MPPED2: variants seen among roughly 807,000 people sequenced by gnomAD.
MPPED2 encodes the protein metallophosphoesterase domain containing 2.
MPPED2 carries 5 observed loss-of-function variants against 33.0 expected under a neutral mutation model. The ratio of observed to expected loss-of-function variants is 0.15; its 90% CI spans 0.08 to 0.32. The LOEUF (loss-of-function observed/expected upper bound fraction) is 0.32, where lower values mean the gene tolerates loss of function less well. Among genes scored for constraint, MPPED2 ranks in the 10% least tolerant of loss-of-function variants. The pLI, the probability that MPPED2 is intolerant of heterozygous loss-of-function variation, is 1.00. For synonymous variants in MPPED2, 136 were observed against 141.9 expected (o/e 0.96, Z 0.29); for missense variants, 275 against 372.1 (o/e 0.74, Z 2.15).
chr11:30,560,703 C>T (rs1956202132), intron 2 of MPPED2, among the ~76,000 whole-genome samples: 1 of 152,158 alleles, frequency 6.6e-6, no homozygotes, highest in South Asian at 2.1e-4. Context: ...TTTATGATAC[C>T]AAATGAGATG....
intron 4 of MPPED2, among the ~76,000 whole-genome samples, chr11:30,419,812 C>A (rs963309323): frequency 5.3e-5 from 8 of 151,922 alleles, no homozygotes; most frequent in Admixed American, 2.6e-4. Context: ...TATAGATAGC[C>A]CCTGCTTGAG....
At chr11:30,522,599 T>C (rs1156718578) in intron 3 of MPPED2, among the ~76,000 whole-genome samples, 1 of 152,248 alleles carries the variant, frequency 6.6e-6, no homozygotes, top group Non-Finnish European at 1.5e-5. Context: ...AAGTGCTGTC[T>C]ACACATTTAA....
chr11:30,423,435 C>A (rs1948700552), intron 4 of MPPED2, among the ~76,000 whole-genome samples: 1 of 152,154 alleles, frequency 6.6e-6, no homozygotes. Flanking sequence ...GGCAGCTGTG[C>A]TCGGATTTGG....
chr11:30,585,271 G>T (rs918275441), intron 1 of MPPED2, among the ~76,000 whole-genome samples: 2 of 152,134 alleles, frequency 1.3e-5, no homozygotes, highest in African/African-American at 4.8e-5. Flanking sequence ...ACCCCAGCTT[G>T]GGTCGCCGGG....
intron 2 of MPPED2, among the ~76,000 whole-genome samples, chr11:30,572,384 C>T (rs1956736606): frequency 6.6e-6 from 1 of 151,984 alleles, no homozygotes; most frequent in Non-Finnish European, 1.5e-5. Flanking sequence ...TCACGGACCA[C>T]AAGACAGGTG....
chr11:30,414,430 G>C (rs1381382860), intron 5 of MPPED2, 89 bp from the exon 6 acceptor site: 2 of 828,738 alleles, frequency 2.4e-6, no homozygotes, highest in East Asian at 2.5e-5. Flanking sequence ...CTCACAGAAG[G>C]TTTATTACAT....
intron 2 of MPPED2, among the ~76,000 whole-genome samples, chr11:30,554,097 T>C (rs1402010867): frequency 6.6e-6 from 1 of 152,168 alleles, no homozygotes; most frequent in Non-Finnish European, 1.5e-5. Context: ...GGGTACTTTG[T>C]GAATTTCTCA....
intron 1 of MPPED2, chr11:30,584,057 T>C (rs568012987): frequency 8.5e-5 from 13 of 152,208 alleles, no homozygotes; most frequent in African/African-American, 3.1e-4. Flanking sequence ...CAGGGTTTTT[T>C]TGGGGGAGGC....
At chr11:30,384,418 T>A (rs989169618), downstream of MPPED2, 6 of 152,156 alleles carry the variant, frequency 3.9e-5, no homozygotes, top group South Asian at 6.2e-4. Context: ...GGATTTTTTT[T>A]AATTGCATTT....
At chr11:30,517,026 CA>C (rs1261290212) in intron 3 of MPPED2, among the ~76,000 whole-genome samples, 1 of 151,842 alleles carries the variant, frequency 6.6e-6, no homozygotes, top group Non-Finnish European at 1.5e-5. Flanking sequence ...AAAACAACAA[CA>C]AAAAAAGGAA....
intron 4 of MPPED2, among the ~76,000 whole-genome samples, chr11:30,446,806 C>A (rs75109770): frequency 0.01 from 1,522 of 152,122 alleles, 42 homozygotes; most frequent in African/African-American, 0.032. Flanking sequence ...CTGTCGGAGC[C>A]CCCCCCGACG....
intron 4 of MPPED2, among the ~76,000 whole-genome samples, chr11:30,464,268 AACACAC>A (rs10660237): frequency 4.0e-4 from 58 of 146,020 alleles, no homozygotes; most frequent in South Asian, 2.4e-3. Context: ...AAAGGATACT[AACACAC>A]ACACACACAC....
intron 1 of MPPED2, among the ~76,000 whole-genome samples, chr11:30,582,290 G>C (rs1158226890): frequency 6.6e-6 from 1 of 152,140 alleles, no homozygotes; most frequent in Non-Finnish European, 1.5e-5. Flanking sequence ...TTATAGAAAT[G>C]ACTGTCATTA....
At chr11:30,474,403 C>T (rs546081986) in intron 4 of MPPED2, among the ~76,000 whole-genome samples, 31 of 152,278 alleles carry the variant, frequency 2.0e-4, no homozygotes, top group South Asian at 8.3e-4. Context: ...GCCTGTGGAA[C>T]ATTTAAACCA....
intron 6 of MPPED2, among the ~76,000 whole-genome samples, chr11:30,412,058 A>T (rs1283205507): frequency 6.6e-6 from 1 of 151,874 alleles, no homozygotes; most frequent in Non-Finnish European, 1.5e-5. Flanking sequence ...AGAAATGTAG[A>T]CACTCAATTT....
chr11:30,488,411 A>C (rs781197964), intron 4 of MPPED2, among the ~76,000 whole-genome samples: 3 of 152,216 alleles, frequency 2.0e-5, no homozygotes, highest in Non-Finnish European at 2.9e-5. Flanking sequence ...ATACTTCTTT[A>C]GCACCTCCAC....
intron 6 of MPPED2, among the ~76,000 whole-genome samples, chr11:30,397,643 T>G (rs1947855067): frequency 6.6e-6 from 1 of 152,136 alleles, no homozygotes; most frequent in Non-Finnish European, 1.5e-5. Context: ...CTAGGCAATT[T>G]ACATTTGTTT....
intron 4 of MPPED2, among the ~76,000 whole-genome samples, chr11:30,440,497 AT>A (rs1949523304): frequency 6.6e-6 from 1 of 152,180 alleles, no homozygotes; most frequent in East Asian, 1.9e-4. Flanking sequence ...TACAGAAAAC[AT>A]TTGCTGACCC....
chr11:30,409,022 CT>C (rs1565037821), downstream of MPPED2, among the ~76,000 whole-genome samples: 2 of 152,186 alleles, frequency 1.3e-5, no homozygotes, highest in Non-Finnish European at 1.5e-5. Context: ...AGTCTGCCTT[CT>C]AGTTTTAGTA....
Sources: gnomAD v4.1 joint callset for allele counts (sites outside exome capture counted in the v4.1 genomes callset) on GRCh38, gnomAD v4.1.1 for gene constraint, MANE v1.5 for transcripts, NCBI Gene and HGNC (gene_info 2026-07-23, HGNC 2026-07-21) for gene names.